The following PCDH15 variants were observed in gnomAD, a reference collection of about 807,000 sequenced individuals.
The protein encoded by PCDH15 is protocadherin related 15.
PCDH15 carries 129 observed loss-of-function variants against 178.5 expected under a neutral mutation model. The observed-to-expected ratio is 0.72, with a 90% CI of 0.63 to 0.84. The LOEUF (loss-of-function observed/expected upper bound fraction) is 0.84, where lower values mean the gene tolerates loss of function less well. Among genes scored for constraint, PCDH15 ranks in the 40% least tolerant of loss-of-function variants. The pLI is 0.00. For missense variants in PCDH15, 2,230 were observed against 2,099.9 expected (o/e 1.06, Z -1.21); for synonymous variants, 800 against 732.0 (o/e 1.09, Z -1.50).
At chr10:55,175,124 A>C (rs2132127594) in intron 1 of PCDH15, among the ~76,000 whole-genome samples, 1 of 152,280 alleles carries the variant, frequency 6.6e-6, no homozygotes, top group Non-Finnish European at 1.5e-5. Context: ...AGGACCCTAA[A>C]TGGGACCCCA....
intron 3 of PCDH15, among the ~76,000 whole-genome samples, chr10:54,469,902 G>C (rs2077780314): frequency 6.6e-6 from 1 of 152,176 alleles, no homozygotes; most frequent in Non-Finnish European, 1.5e-5. Context: ...GCGGGTACTA[G>C]CTGTGGTGGT....
At chr10:54,207,150 T>C (rs1008607744) in intron 10 of PCDH15, among the ~76,000 whole-genome samples, 1 of 152,168 alleles carries the variant, frequency 6.6e-6, no homozygotes, top group Non-Finnish European at 1.5e-5. Flanking sequence ...ACAGCCACTA[T>C]ATTCAACTGC....
At chr10:54,142,227 T>G (rs185476161) in intron 14 of PCDH15, among the ~76,000 whole-genome samples, 118 of 152,242 alleles carry the variant, frequency 7.8e-4, no homozygotes, top group Non-Finnish European at 2.4e-4. Flanking sequence ...TTGTGACATT[T>G]TAGAATAATA....
chr10:53,821,093 C>T (rs1479232685), intron 32 of PCDH15: 4 of 976,234 alleles, frequency 4.1e-6, no homozygotes, highest in Non-Finnish European at 4.9e-6. Flanking sequence ...AAATGCCTTA[C>T]AAAAGTCAAC....
intron 2 of PCDH15, among the ~76,000 whole-genome samples, chr10:55,117,378 AG>A (rs1463299926): frequency 6.6e-6 from 1 of 152,200 alleles, no homozygotes; most frequent in Non-Finnish European, 1.5e-5. Flanking sequence ...ACAGGCAAAA[AG>A]CTATCAGCCT....
chr10:54,161,314 A>G (rs1410087167), intron 13 of PCDH15, among the ~76,000 whole-genome samples: 1 of 152,170 alleles, frequency 6.6e-6, no homozygotes, highest in East Asian at 1.9e-4. Flanking sequence ...GATACATACT[A>G]TGGGACTCCA....
In PCDH15 at chr10:54,726,829, G is replaced by A. The variant is rs116105829; in HGVS notation, c.-28-62539C>T. Reference sequence around the variant, plus strand: ...CAGAGCTCTAAGACTGGTTCTTCAGGTCAACTCATTCGGATTAAAAAGAAG... The same window carrying A: ...CAGAGCTCTAAGACTGGTTCTTCAGATCAACTCATTCGGATTAAAAAGAAG... On this transcript the variant is annotated intron_variant, in intron 1 of 37. Coordinates refer to ENST00000644397, the MANE Select transcript of PCDH15 (RefSeq NM_001384140.1). 8.5e-3 allele frequency among the ~76,000 whole-genome samples: 1,268 copies of A among 149,902 alleles called. 14 individuals are homozygous for A. Among genetic ancestry groups the A allele is most frequent in the African/African-American group, 0.029 (1,173 of 40,804 alleles).
At chr10:54,380,101 T>C (rs1210569695) in intron 3 of PCDH15, among the ~76,000 whole-genome samples, 1 of 152,070 alleles carries the variant, frequency 6.6e-6, no homozygotes, top group Non-Finnish European at 1.5e-5. Flanking sequence ...TAATTATCTA[T>C]AATATTTCTT....
intron 29 of PCDH15, among the ~76,000 whole-genome samples, chr10:53,839,382 T>C (rs1196907415): frequency 3.3e-5 from 5 of 151,930 alleles, no homozygotes; most frequent in Non-Finnish European, 7.4e-5. Context: ...TGAATAAAAA[T>C]TGAATAGATA....
intron 2 of PCDH15, among the ~76,000 whole-genome samples, chr10:55,022,342 A>G (rs942911483): frequency 2.1e-4 from 32 of 151,128 alleles, no homozygotes; most frequent in African/African-American, 7.0e-4. Flanking sequence ...ATCCCAGTTA[A>G]TCGGGAGGCA....
chr10:53,809,297 T>G, intron 37 of PCDH15: 3 of 1,613,912 alleles, frequency 1.9e-6, no homozygotes, highest in South Asian at 2.2e-5. Context: ...TGGTCCAGAG[T>G]GAGTTTCAAA....
intron 3 of PCDH15, among the ~76,000 whole-genome samples, chr10:54,509,822 G>A (rs1051490313): frequency 1.3e-5 from 2 of 152,076 alleles, no homozygotes; most frequent in African/African-American, 4.8e-5. Context: ...TTTCTCAAGT[G>A]CTAATAACTT....
intron 2 of PCDH15, among the ~76,000 whole-genome samples, chr10:55,369,159 C>A (rs1845436615): frequency 6.6e-6 from 1 of 151,786 alleles, no homozygotes. Context: ...ACCTTATCAA[C>A]TAAAGCAAGT....
chr10:54,220,086 C>T (rs1307244755), intron 9 of PCDH15, among the ~76,000 whole-genome samples: 1 of 152,134 alleles, frequency 6.6e-6, no homozygotes, highest in African/African-American at 2.4e-5. Flanking sequence ...TGCTTTTACC[C>T]TAGCTTTCAT....
At chr10:55,033,853 G>C (rs1840671662) in intron 2 of PCDH15, among the ~76,000 whole-genome samples, 1 of 152,100 alleles carries the variant, frequency 6.6e-6, no homozygotes, top group African/African-American at 2.4e-5. Flanking sequence ...TAGTATTAAG[G>C]GGTAAGGCCT....
chr10:54,307,567 A>AT (rs1483364971), intron 8 of PCDH15, among the ~76,000 whole-genome samples: 1 of 151,918 alleles, frequency 6.6e-6, no homozygotes, highest in East Asian at 1.9e-4. Context: ...TCACTGATAT[A>AT]TTTTGGCTCA....
intron 1 of PCDH15, among the ~76,000 whole-genome samples, chr10:55,195,983 AT>A (rs1840084354): frequency 6.6e-6 from 1 of 152,066 alleles, no homozygotes; most frequent in Non-Finnish European, 1.5e-5. Context: ...CAAAAGAAAA[AT>A]ATTTTTATTT....
intron 2 of PCDH15, 23 bp downstream of exon 2, chr10:54,664,149 G>A (rs1319201225): frequency 1.9e-6 from 3 of 1,578,468 alleles, no homozygotes; most frequent in East Asian, 4.5e-5. Flanking sequence ...TCGCTCTAAA[G>A]GTCAAGCTAA....
chr10:55,388,093 C>A (rs146264716), intron 2 of PCDH15, among the ~76,000 whole-genome samples: 1 of 152,096 alleles, frequency 6.6e-6, no homozygotes, highest in Non-Finnish European at 1.5e-5. Context: ...TAGTGGTCTG[C>A]GGAATAGATG....
Sources: allele counts gnomAD v4.1 joint callset (sites outside exome capture counted in the v4.1 genomes callset), GRCh38; gene constraint gnomAD v4.1.1; transcripts MANE v1.5; gene names NCBI Gene and HGNC (gene_info 2026-07-23, HGNC 2026-07-21).